P2RX7: variants seen among roughly 807,000 people sequenced by gnomAD.
The protein encoded by P2RX7 is purinergic receptor P2X 7.
In P2RX7, 62 loss-of-function variants were observed where a neutral mutation model predicts 71.6. That is an observed-to-expected ratio of 0.87 (90% CI 0.71 to 1.07). The LOEUF (loss-of-function observed/expected upper bound fraction) is 1.07, where lower values mean the gene tolerates loss of function less well. P2RX7 is among the 50% of genes least tolerant of loss of function. The probability of loss-of-function intolerance (pLI) is 0.00; values close to 1 mark genes in which losing one functional copy is unlikely to be tolerated. For synonymous variants in P2RX7, 299 were observed against 283.3 expected (o/e 1.06, Z -0.56); for missense variants, 686 against 748.5 (o/e 0.92, Z 0.97).
At chr12:121,177,668 T>C (rs1437712190) in intron 11 of P2RX7, among the ~76,000 whole-genome samples, 4 of 151,962 alleles carry the variant, frequency 2.6e-5, no homozygotes, top group Non-Finnish European at 5.9e-5. Context: ...TTTTTATGTC[T>C]AGGACTTGCC....
intron 1 of P2RX7, among the ~76,000 whole-genome samples, chr12:121,135,722 G>A (rs1873392562): frequency 6.6e-6 from 1 of 151,586 alleles, no homozygotes; most frequent in Admixed American, 6.6e-5. Context: ...TATATGCTGG[G>A]TCCGGCATGG....
intron 5 of P2RX7, among the ~76,000 whole-genome samples, chr12:121,163,368 A>G (rs1490349770): frequency 6.6e-6 from 1 of 151,340 alleles, no homozygotes; most frequent in Non-Finnish European, 1.5e-5. Context: ...GCACACACAC[A>G]CACACACACA....
rs58387580 is a variant in P2RX7 at position 121,154,290 on chromosome 12, C to CAAAA, written c.126-485_126-482dup. Among the ~76,000 whole-genome samples the CAAAA allele has an allele frequency of 7.8e-6, 1 of 127,820 alleles. No homozygotes were observed. Among genetic ancestry groups the CAAAA allele is most frequent in the East Asian group, 2.1e-4 (1 of 4,674 alleles). 83.9% of individuals were successfully genotyped at this position (127,820 alleles called of 152,430 possible). Reference sequence around the variant, plus strand: ...GGGCAACAAGAGCAAAACTCTGTTTCAAAAAAAAAAAAAGAGAGAGAGAGA... The same window carrying CAAAA: ...GGGCAACAAGAGCAAAACTCTGTTTCAAAAAAAAAAAAAAAAAGAGAGAGAGAGA... On this transcript the variant is annotated intron_variant, in intron 1 of 12. Coordinates refer to ENST00000328963, the MANE Select transcript of P2RX7 (RefSeq NM_002562.6). This position sits in a 1 kb window ranked among gnomAD's most constrained non-coding sequence, Gnocchi z 4.2.
chr12:121,153,051 C>G (rs1194975097), intron 1 of P2RX7, among the ~76,000 whole-genome samples: 1 of 152,210 alleles, frequency 6.6e-6, no homozygotes, highest in Admixed American at 6.5e-5. Context: ...TCTGAGCTAT[C>G]TTTTCAGGAG....
chr12:121,162,101 G>T (rs927146833), intron 4 of P2RX7, among the ~76,000 whole-genome samples: 3 of 152,116 alleles, frequency 2.0e-5, no homozygotes, highest in Non-Finnish European at 2.9e-5. Flanking sequence ...GAGAGGCCAT[G>T]TTCTAGTCCA....
chr12:121,157,299 T>A (rs917057440), intron 3 of P2RX7, among the ~76,000 whole-genome samples: 7 of 152,240 alleles, frequency 4.6e-5, no homozygotes, highest in Non-Finnish European at 8.8e-5. Context: ...TCTAGCTTCC[T>A]GAGTGTCCAG....
chr12:121,163,577 GATA>G (rs879820423), intron 5 of P2RX7, among the ~76,000 whole-genome samples: 41,157 of 149,250 alleles, frequency 0.28, 5,957 homozygotes, highest in East Asian at 0.42. Flanking sequence ...TAGATAAATA[GATA>G]ATAGATAGAT....
intron 8 of P2RX7, among the ~76,000 whole-genome samples, chr12:121,167,916 G>A (rs1282508423): frequency 1.3e-5 from 2 of 151,494 alleles, no homozygotes; most frequent in Non-Finnish European, 2.9e-5. Context: ...AGGTTCAAGC[G>A]ACTCTCCTGC....
chr12:121,176,768 A>AAC (rs1883224381), intron 9 of P2RX7, among the ~76,000 whole-genome samples: 1 of 151,696 alleles, frequency 6.6e-6, no homozygotes, highest in Non-Finnish European at 1.5e-5. Context: ...AAAAAAAAAA[A>AAC]AAAACCCACG....
intron 8 of P2RX7, among the ~76,000 whole-genome samples, chr12:121,169,115 G>A (rs1202870892): frequency 6.6e-6 from 1 of 151,952 alleles, no homozygotes; most frequent in Non-Finnish European, 1.5e-5. Context: ...ACAGGTGCAC[G>A]CCACCATGCC....
intron 6 of P2RX7, among the ~76,000 whole-genome samples, chr12:121,165,689 T>A (rs1413074782): frequency 2.0e-5 from 3 of 152,212 alleles, no homozygotes; most frequent in Non-Finnish European, 4.4e-5. Flanking sequence ...CTCACACAGT[T>A]GCTCGTGGGA....
At position 121,156,161 on chromosome 12, in the gene P2RX7, C is replaced by T. The variant is rs202063886; in HGVS notation, c.363+14C>T. The T allele has an allele frequency of 1.9e-6, 3 of 1,610,444 alleles. No homozygotes were observed. Among genetic ancestry groups the T allele is most frequent in the African/African-American group, 1.3e-5 (1 of 74,856 alleles). ...TTGTGTCCCGAGGTAAGGAGGGGAC[C>T]TGGAGTGGTGGGTCAGGTCTTAAGA... On this transcript the variant is annotated intron_variant, in intron 3 of 12. Transcript: ENST00000328963.
rs1470759131 is a variant in P2RX7, at chr12:121,136,018, A to AT, written c.125+2923_125+2924insT. 1.2e-3 allele frequency among the ~76,000 whole-genome samples: 62 copies of AT among 51,246 alleles called. 2 individuals carry two copies. Among genetic ancestry groups the AT allele is most frequent in the South Asian group, 5.2e-3 (6 of 1,164 alleles). The allele number at this position is 51,246 out of a possible 152,430, so 33.6% of individuals were successfully genotyped here. On this transcript the variant is annotated intron_variant, in intron 1 of 12. Transcript: ENST00000328963. Reference sequence around the variant, plus strand: ...GACTCTGTCTCAAAAAAAAAAAAAAAAAAAAATATATATATATATATATAG... The same window carrying AT: ...GACTCTGTCTCAAAAAAAAAAAAAAATAAAAAATATATATATATATATATAG...
rs568553059 is a variant in P2RX7, at chr12:121,184,319, C to A, written c.1305C>A (p.Asp435Glu). Residue 435 changes from aspartate to glutamate, a missense_variant, in exon 13 of 13, where the codon GAC becomes GAA. Physicochemically the swap from Asp to Glu is conservative, Grantham distance 45. Coordinates refer to ENST00000328963, the MANE Select transcript of P2RX7 (RefSeq NM_002562.6). ...KGQEVPRPAMDFTDLSRLPLA... is the reference protein window; with the variant it reads ...KGQEVPRPAMEFTDLSRLPLA... ...TGCTTTTTCAGAGACCTGCGATGGACTTCACAGATTTGTCCAGGCTGCCCC... is the reference window on the plus strand; with the variant it reads ...TGCTTTTTCAGAGACCTGCGATGGAATTCACAGATTTGTCCAGGCTGCCCC... 7.9e-5 allele frequency: 127 copies of A among 1,605,352 alleles called. 1 individual carries two copies. In the South Asian group the frequency reaches 1.3e-3, roughly 17 times the overall value.
chr12:121,164,592 C>T (rs912507263), intron 5 of P2RX7, among the ~76,000 whole-genome samples: 2 of 152,016 alleles, frequency 1.3e-5, no homozygotes, highest in Non-Finnish European at 2.9e-5. Context: ...ACCAGCCTGG[C>T]AAACATGGTG....
chr12:121,151,985 A>G (rs1350463020), intron 1 of P2RX7, among the ~76,000 whole-genome samples: 1 of 151,966 alleles, frequency 6.6e-6, no homozygotes, highest in African/African-American at 2.4e-5. Flanking sequence ...CCAGCCATAA[A>G]TTATATTGTT....
rs1880135087 is a variant in P2RX7 at position 121,163,268 on chromosome 12, G to A, written c.533+748G>A. Among the ~76,000 whole-genome samples the A allele has an allele frequency of 2.0e-5, 3 of 151,370 alleles. No homozygotes were observed. The Admixed American group carries it at 2.0e-4, about 10-fold the overall frequency. On this transcript the variant is annotated intron_variant, in intron 5 of 12. Coordinates refer to ENST00000328963, the MANE Select transcript of P2RX7 (RefSeq NM_002562.6). ...ACCAACTTCATAGGGCTGTTGTAAGGATTAAATGAGATGATACTTGTACAG... is the reference window on the plus strand; with the variant it reads ...ACCAACTTCATAGGGCTGTTGTAAGAATTAAATGAGATGATACTTGTACAG...
At position 121,154,443 on chromosome 12, in the gene P2RX7, G is replaced by A. The variant is rs371088937; in HGVS notation, c.126-342G>A. ...TCCAGACAAAGCTGGCGAACCCACC[G>A]GGGCGAGACTTTATGACTTGAGAAG... On this transcript the variant is annotated intron_variant, in intron 1 of 12. Coordinates refer to ENST00000328963, the MANE Select transcript of P2RX7 (RefSeq NM_002562.6). This position sits in a 1 kb window ranked among gnomAD's most constrained non-coding sequence, Gnocchi z 4.2. Among the ~76,000 whole-genome samples the A allele has an allele frequency of 6.6e-5, 10 of 152,160 alleles. No homozygotes were observed. The South Asian group carries it at 8.3e-4, about 13-fold the overall frequency.
intron 12 of P2RX7, among the ~76,000 whole-genome samples, chr12:121,182,082 C>G (rs981156996): frequency 7.2e-6 from 1 of 139,298 alleles, no homozygotes; most frequent in African/African-American, 2.7e-5. Context: ...AAAAAAAAGT[C>G]TTTTCTGCTC....
Sources: allele counts gnomAD v4.1 joint callset (sites outside exome capture counted in the v4.1 genomes callset), GRCh38; gene constraint gnomAD v4.1.1; non-coding constraint Gnocchi (gnomAD v3.1); transcripts MANE v1.5; gene names NCBI Gene and HGNC (gene_info 2026-07-23, HGNC 2026-07-21).